ZNF90: variants seen among roughly 807,000 people sequenced by gnomAD.
The protein encoded by ZNF90 is zinc finger protein 90.
ZNF90 carries 11 observed loss-of-function variants against 12.0 expected under a neutral mutation model. The observed-to-expected ratio is 0.92, with a 90% CI of 0.58 to 1.52. The LOEUF (loss-of-function observed/expected upper bound fraction) is 1.52, where lower values mean the gene tolerates loss of function less well. ZNF90 is among the 40% of genes most tolerant of loss of function. The pLI is 0.00. For missense variants in ZNF90, 765 were observed against 711.5 expected (o/e 1.08, Z -0.86); for synonymous variants, 232 against 240.1 (o/e 0.97, Z 0.31).
At chr19:20,110,766 T>A (rs1212391368) in intron 3 of ZNF90, among the ~76,000 whole-genome samples, 2 of 152,202 alleles carry the variant, frequency 1.3e-5, no homozygotes, top group Admixed American at 1.3e-4. Flanking sequence ...TGTGGGTTTT[T>A]CTTTTTCAGT....
rs2089187565 is a variant in ZNF90 at position 20,120,689 on chromosome 19, G to GCAA, written c.*1329_*1330insCAA. ...ACTTCAGACATTACACTAAAACAGT[G>GCAA]TTGAGTATAAAAAAGAATCCACAAC... is the stretch of plus-strand genomic sequence containing the variant. On this transcript the variant is annotated 3_prime_UTR_variant, in exon 4 of 4. Coordinates refer to ENST00000418063, the MANE Select transcript of ZNF90 (RefSeq NM_007138.2). The GCAA allele has an allele frequency of 1.3e-5, 2 of 152,116 alleles. No homozygotes were observed. Among genetic ancestry groups the GCAA allele is most frequent in the African/African-American group, 2.4e-5 (1 of 41,428 alleles). 9.4% of individuals were successfully genotyped at this position (152,116 alleles called of 1,614,324 possible). A position where few individuals can be genotyped will look rare whatever the true frequency, so the allele number is the denominator to read the frequency against.
At chr19:20,111,200 A>T (rs1392258421) in intron 3 of ZNF90, among the ~76,000 whole-genome samples, 1 of 152,042 alleles carries the variant, frequency 6.6e-6, no homozygotes, top group Admixed American at 6.5e-5. Flanking sequence ...AGCCTCCCAA[A>T]GTGCTGGGAT....
intron 3 of ZNF90, among the ~76,000 whole-genome samples, chr19:20,113,373 A>G (rs894785702): frequency 6.6e-6 from 1 of 151,954 alleles, no homozygotes; most frequent in Non-Finnish European, 1.5e-5. Context: ...TTCATACTTT[A>G]GTAGAGACAG....
At chr19:20,104,719 G>A (rs1487914785) in intron 2 of ZNF90, among the ~76,000 whole-genome samples, 1 of 152,158 alleles carries the variant, frequency 6.6e-6, no homozygotes, top group Non-Finnish European at 1.5e-5. Context: ...TTAGGACAAG[G>A]CGCAGTGGCT....
intron 3 of ZNF90, among the ~76,000 whole-genome samples, chr19:20,114,510 A>G (rs1599654403): frequency 6.6e-6 from 1 of 152,122 alleles, no homozygotes; most frequent in Non-Finnish European, 1.5e-5. Context: ...TGGCTGGCTC[A>G]TTTTGCATAA....
intron 3 of ZNF90, among the ~76,000 whole-genome samples, chr19:20,110,587 G>C (rs1416234164): frequency 2.6e-5 from 4 of 152,134 alleles, no homozygotes; most frequent in African/African-American, 9.7e-5. Flanking sequence ...TTTGGATATA[G>C]ATTTCTAAAT....
intron 1 of ZNF90, among the ~76,000 whole-genome samples, chr19:20,101,259 GTTCCACGGTTCTC>G (rs1224333687): frequency 2.6e-5 from 4 of 152,190 alleles, no homozygotes; most frequent in African/African-American, 4.8e-5. Flanking sequence ...TAGTCGCTGG[GTTCCACGGTTCTC>G]TTCCATGACC....
intron 1 of ZNF90, chr19:20,079,937 C>CTTT (rs113327735): frequency 1.4e-3 from 443 of 322,718 alleles, no homozygotes; most frequent in Middle Eastern, 3.5e-3. Flanking sequence ...CGTATTTCCT[C>CTTT]TTTTTTTTTT....
chr19:20,118,013 C>T lies in ZNF90; in HGVS notation c.459C>T (p.Val153=), dbSNP rs1555705887. 1.2e-6 allele frequency: 2 copies of T among 1,611,886 alleles called. No individual in the cohort carries two copies. The highest frequency in any genetic ancestry group is 1.1e-5 in the South Asian group (1 of 90,852). The change falls in exon 4 of 4, where the codon GTC becomes GTT. Residue 153 remains valine (V), a synonymous_variant. Coordinates refer to ENST00000418063, the MANE Select transcript of ZNF90 (RefSeq NM_007138.2). ...TTCAATGTGATACATATGTGAAAGT[C>T]TCTCATATATTTTCAAATTCAAACA... is the stretch of plus-strand genomic sequence containing the variant. ...KVFQCDTYVK[V]SHIFSNSNRH... is the part of the protein sequence containing the mutation.
intron 1 of ZNF90, among the ~76,000 whole-genome samples, chr19:20,099,255 C>T (rs1399782937): frequency 6.6e-6 from 1 of 151,838 alleles, no homozygotes; most frequent in Non-Finnish European, 1.5e-5. Context: ...CTCACTGAAA[C>T]CTCTGCCACC....
chr19:20,080,788 T>C (rs1178527320), intron 1 of ZNF90, among the ~76,000 whole-genome samples: 1 of 152,174 alleles, frequency 6.6e-6, no homozygotes, highest in Non-Finnish European at 1.5e-5. Context: ...GACTGAGCAC[T>C]GAAACGGGGT....
intron 1 of ZNF90, 143 bp downstream of exon 1, chr19:20,078,278 C>T: frequency 9.1e-7 from 1 of 1,101,374 alleles, no homozygotes; most frequent in South Asian, 1.5e-5. Context: ...GGCCTCAGTC[C>T]CCTTCAGCCA....
intron 1 of ZNF90, among the ~76,000 whole-genome samples, chr19:20,095,900 C>A (rs1412082457): frequency 3.9e-5 from 6 of 152,150 alleles, no homozygotes; most frequent in African/African-American, 1.4e-4. Flanking sequence ...GGTGAAGGAC[C>A]AAGGCAGGTG....
In ZNF90 at chr19:20,119,986, T is replaced by G. The variant is rs1428816014; in HGVS notation, c.*626T>G. Among the ~76,000 whole-genome samples the G allele has an allele frequency of 3.3e-5, 5 of 152,164 alleles. No homozygotes were observed. The highest frequency in any genetic ancestry group is 4.4e-5 in the Non-Finnish European group (3 of 68,026). The stretch of plus-strand genomic sequence containing the variant: ...TGCTTTTACCACCACCTCCAACTTT[T>G]CTGTACATAAAGATGATTATACTAG... On this transcript the variant is annotated 3_prime_UTR_variant, in exon 4 of 4. Coordinates refer to ENST00000418063, the MANE Select transcript of ZNF90 (RefSeq NM_007138.2).
At chr19:20,115,870 T>G (rs2089132640) in intron 3 of ZNF90, among the ~76,000 whole-genome samples, 1 of 152,092 alleles carries the variant, frequency 6.6e-6, no homozygotes, top group Admixed American at 6.5e-5. Flanking sequence ...TTATTATGTT[T>G]TATTTATTTC....
chr19:20,110,430 T>C (rs564010447), intron 3 of ZNF90, among the ~76,000 whole-genome samples: 2 of 151,898 alleles, frequency 1.3e-5, no homozygotes, highest in Non-Finnish European at 2.9e-5. Flanking sequence ...AGGCACCCAC[T>C]ACCATGCCTA....
chr19:20,084,459 G>A (rs938112126), intron 1 of ZNF90, among the ~76,000 whole-genome samples: 5 of 152,122 alleles, frequency 3.3e-5, no homozygotes, highest in Non-Finnish European at 5.9e-5. Context: ...ATGCATGTGG[G>A]TATGTCTTTA....
At chr19:20,085,076 T>C (rs2088848126) in intron 1 of ZNF90, among the ~76,000 whole-genome samples, 1 of 152,176 alleles carries the variant, frequency 6.6e-6, no homozygotes, top group Admixed American at 6.5e-5. Flanking sequence ...TTTTAATTTA[T>C]CTTCAGTTGA....
intron 1 of ZNF90, among the ~76,000 whole-genome samples, chr19:20,103,899 C>T (rs782288529): frequency 1.3e-5 from 2 of 151,954 alleles, no homozygotes; most frequent in Non-Finnish European, 1.5e-5. Flanking sequence ...TCTAAGTCAC[C>T]GTGTCTTTTC....
Sources: gnomAD v4.1 joint callset for allele counts (sites outside exome capture counted in the v4.1 genomes callset) on GRCh38, gnomAD v4.1.1 for gene constraint, MANE v1.5 for transcripts, NCBI Gene and HGNC (gene_info 2026-07-23, HGNC 2026-07-21) for gene names.